Variants in LRIT1 observed in about 807,000 individuals in gnomAD.
LRIT1 encodes the protein leucine-rich repeat, immunoglobulin-like domain and transmembrane domain-containing protein 1.
A neutral mutation model predicts 24.0 loss-of-function variants in LRIT1; 23 were observed. The observed-to-expected ratio is 0.96, with a 90% CI of 0.69 to 1.36. LRIT1 has a LOEUF of 1.36. Ranked by LOEUF, LRIT1 falls within the 40% of genes most tolerant of loss-of-function variation. The pLI, the probability that LRIT1 is intolerant of heterozygous loss-of-function variation, is 0.00. For synonymous variants in LRIT1, 361 were observed against 340.5 expected (o/e 1.06, Z -0.66); for missense variants, 846 against 806.3 (o/e 1.05, Z -0.60).
chr10:84,234,571 T>C (rs1010313490), intron 2 of LRIT1, among the ~76,000 whole-genome samples, 193 bp from the exon 3 acceptor site: 3 of 152,220 alleles, frequency 2.0e-5, no homozygotes, highest in African/African-American at 7.2e-5. Flanking sequence ...GTAGCATTAC[T>C]TTCTTTTCAG....
Position 84,232,203 on chromosome 10 carries a change from C to T in LRIT1, c.1596G>A (p.Val532=), listed in dbSNP as rs1450135703. 6.2e-6 allele frequency: 10 copies of T among 1,614,214 alleles called. No homozygotes were observed. The Admixed American group carries it at 1.7e-4, about 27-fold the overall frequency. The change falls in exon 4 of 4, where the codon GTG becomes GTA. Residue 532 remains valine (V), a synonymous_variant. Coordinates refer to ENST00000372105, the MANE Select transcript of LRIT1 (RefSeq NM_015613.3). ...GGGCAATGACGATGGCCACACTGAT[C>T]ACCACCACATTGATAAGCTGCTGAG... ...ENTQQLINVV[V]ISVAIVIALP...
intron 2 of LRIT1, among the ~76,000 whole-genome samples, chr10:84,236,328 G>A (rs1280312365): frequency 6.6e-6 from 1 of 151,668 alleles, no homozygotes; most frequent in Admixed American, 6.6e-5. Flanking sequence ...TGCCAAGAAT[G>A]TTCTCTGTTG....
chr10:84,234,200 G>C lies in LRIT1; in HGVS notation c.768C>G (p.Leu256=). 1 of 1,614,042 alleles carries C rather than the reference G, an allele frequency of 6.2e-7. No individual in the cohort carries two copies. The change falls in exon 3 of 4, where the codon CTC becomes CTG. Residue 256 remains leucine (L), a synonymous_variant. Transcript: ENST00000372105. ...LELRKCQGPE[L]HPGVASIRSL... ...ACCTGATGCTGGCCACTCCTGGATGGAGCTCTGGGCCCTGGCACTTCCTCA... is the reference window on the plus strand; with the variant it reads ...ACCTGATGCTGGCCACTCCTGGATGCAGCTCTGGGCCCTGGCACTTCCTCA...
rs759787591 is a variant in LRIT1 at position 84,232,737 on chromosome 10, G to C, written c.1062C>G (p.His354Gln). The C allele has an allele frequency of 1.2e-6, 2 of 1,614,088 alleles. No individual in the cohort carries two copies. Among genetic ancestry groups the C allele is most frequent in the South Asian group, 2.2e-5 (2 of 91,078 alleles). Reference protein sequence around the residue: ...IVTEPPTSTEHSGSPGALWAR... With the variant: ...IVTEPPTSTEQSGSPGALWAR... ...CCCATAGTGCTCCTGGGCTCCCACTGTGTTCTGTGGAAGTCGGTGGCTCAG... is the reference window on the plus strand; with the variant it reads ...CCCATAGTGCTCCTGGGCTCCCACTCTGTTCTGTGGAAGTCGGTGGCTCAG... Residue 354 changes from histidine to glutamine, a missense_variant, in exon 4 of 4, where the codon CAC becomes CAG. His to Gln is a conservative substitution (Grantham distance 24, BLOSUM62 0). Transcript: ENST00000372105.
intron 1 of LRIT1, among the ~76,000 whole-genome samples, chr10:84,240,912 T>A (rs1842686079): frequency 6.6e-6 from 1 of 150,918 alleles, no homozygotes; most frequent in Admixed American, 6.6e-5. Flanking sequence ...GGCAAGAGAG[T>A]GCAAGTGGCC....
chr10:84,240,948 T>A (rs1436076106), intron 1 of LRIT1, among the ~76,000 whole-genome samples: 2 of 151,444 alleles, frequency 1.3e-5, no homozygotes, highest in South Asian at 2.1e-4. Context: ...TGGGGAAATA[T>A]AGAAAAGAAG....
chr10:84,232,368 C>A lies in LRIT1; in HGVS notation c.1431G>T (p.Gln477His). 1 of 1,613,912 alleles carries A rather than the reference C, an allele frequency of 6.2e-7. No homozygotes were observed. The highest frequency in any genetic ancestry group is 1.1e-5 in the South Asian group (1 of 91,034). The change falls in exon 4 of 4, where the codon CAG (glutamine) becomes CAT (histidine). Residue 477 changes from glutamine (Q) to histidine (H), a missense_variant. Transcript: ENST00000372105. ...GQHSMRRVIVQPGKTRVTITG... is the reference protein window; with the variant it reads ...GQHSMRRVIVHPGKTRVTITG... ...TGATGGTCACTCTGGTCTTCCCAGG[C>A]TGCACAATCACCCGCCGCATGCTGT...
Position 84,231,955 on chromosome 10 carries a change from C to A in LRIT1, c.1844G>T (p.Gly615Val). The change falls in exon 4 of 4, where the codon GGC becomes GTC. Residue 615 changes from glycine (G) to valine (V), a missense_variant. Transcript: ENST00000372105. Reference sequence around the variant, plus strand: ...GCAGAAGTACTCATTGATTCTCCTGCCCCCTTTGACTCCAAAGGCCTGAAA... The same window carrying A: ...GCAGAAGTACTCATTGATTCTCCTGACCCCTTTGACTCCAAAGGCCTGAAA... ...VDFQAFGVKG[G>V]RRINEYFC 6.2e-7 allele frequency: 1 copy of A among 1,611,036 alleles called. No individual in the cohort carries two copies. Among genetic ancestry groups the A allele is most frequent in the African/African-American group, 1.3e-5 (1 of 74,976 alleles).
chr10:84,232,910 G>A lies in LRIT1; in HGVS notation c.896-7C>T, dbSNP rs1223677960. ...CTGGAGACTTCCTGGTGCACTAGGA[G>A]GAAAACAGGCATGTGTGGGAGAACG... On this transcript the variant is annotated splice_region_variant and splice_polypyrimidine_tract_variant and intron_variant, in intron 3 of 3. Coordinates refer to ENST00000372105, the MANE Select transcript of LRIT1 (RefSeq NM_015613.3). 6.2e-7 allele frequency: 1 copy of A among 1,606,802 alleles called. No individual in the cohort carries two copies. Among genetic ancestry groups the A allele is most frequent in the Non-Finnish European group, 8.5e-7 (1 of 1,178,814 alleles).
At position 84,232,665 on chromosome 10, in the gene LRIT1, C is replaced by T. The variant is rs1183363143; in HGVS notation, c.1134G>A (p.Leu378=). The stretch of plus-strand genomic sequence containing the variant: ...GAATCTGGGGGACATGCCTGGCCAC[C>T]AGCTTGTTGTTGTAAGCAGCAGCTT... ...GGEAAAYNNK[L]VARHVPQIPK... The change falls in exon 4 of 4, where the codon CTG becomes CTA. Residue 378 remains leucine (L), a synonymous_variant. Coordinates refer to ENST00000372105, the MANE Select transcript of LRIT1 (RefSeq NM_015613.3). 1 of 1,613,528 alleles carries T rather than the reference C, an allele frequency of 6.2e-7. No homozygotes were observed. Among genetic ancestry groups the T allele is most frequent in the Non-Finnish European group, 8.5e-7 (1 of 1,179,564 alleles).
chr10:84,241,001 G>T (rs1362584100), intron 1 of LRIT1, among the ~76,000 whole-genome samples: 1 of 152,170 alleles, frequency 6.6e-6, no homozygotes, highest in East Asian at 1.9e-4. Context: ...CAGTAAGGGA[G>T]GAGATTTCCT....
chr10:84,235,088 C>T (rs572990662), intron 2 of LRIT1, among the ~76,000 whole-genome samples: 1 of 152,240 alleles, frequency 6.6e-6, no homozygotes, highest in South Asian at 2.1e-4. Flanking sequence ...TATAGGGTTG[C>T]ATTACTGAAA....
chr10:84,238,125 G>A (rs1486385281), intron 1 of LRIT1, among the ~76,000 whole-genome samples: 1 of 152,128 alleles, frequency 6.6e-6, no homozygotes, highest in Non-Finnish European at 1.5e-5. Flanking sequence ...AGGTGGAGGC[G>A]GGTGGATCAC....
Position 84,232,198 on chromosome 10 carries a change from C to T in LRIT1, c.1601G>A (p.Ser534Asn). 3 of 1,614,220 alleles carry T rather than the reference C, an allele frequency of 1.9e-6. No individual in the cohort carries two copies. Among genetic ancestry groups the T allele is most frequent in the Non-Finnish European group, 1.7e-6 (2 of 1,180,032 alleles). Reference protein sequence around the residue: ...TQQLINVVVISVAIVIALPLT... With the variant: ...TQQLINVVVINVAIVIALPLT... ...AGGCAGGGCAATGACGATGGCCACA[C>T]TGATCACCACCACATTGATAAGCTG... The change falls in exon 4 of 4, where the codon AGT becomes AAT. Residue 534 changes from serine (S) to asparagine (N), a missense_variant. Coordinates refer to ENST00000372105, the MANE Select transcript of LRIT1 (RefSeq NM_015613.3).
rs768132716 is a variant in LRIT1, at chr10:84,241,326, G to T, written c.114C>A (p.Ser38Arg). ...SCSLHIMGDG[S>R]KARTVVCNDP... ...CGCACCCGGTACCATACCTGGCCTT[G>T]CTGCCATCACCCATGATATGGAGGC... Residue 38 changes from serine (S) to arginine (R), a missense_variant, in exon 1 of 4, where the codon AGC becomes AGA. By Grantham distance (110) the Ser-to-Arg change is moderately radical (BLOSUM62 -1). Coordinates refer to ENST00000372105, the MANE Select transcript of LRIT1 (RefSeq NM_015613.3). 7.4e-6 allele frequency: 12 copies of T among 1,613,748 alleles called. No homozygotes were observed. The East Asian group carries it at 2.5e-4, about 33-fold the overall frequency.
chr10:84,234,924 C>T (rs1842635911), intron 2 of LRIT1, among the ~76,000 whole-genome samples: 1 of 152,144 alleles, frequency 6.6e-6, no homozygotes, highest in African/African-American at 2.4e-5. Context: ...GCTATATCCC[C>T]TACTGTCTTT....
chr10:84,237,645 G>A lies in LRIT1; in HGVS notation c.164C>T (p.Ala55Val). 6.2e-7 allele frequency: 1 copy of A among 1,605,194 alleles called. No homozygotes were observed. Among genetic ancestry groups the A allele is most frequent in the African/African-American group, 1.3e-5 (1 of 75,010 alleles). Residue 55 changes from alanine (A) to valine (V), a missense_variant, in exon 2 of 4, where the codon GCG becomes GTG. By Grantham distance (64) the Ala-to-Val change is moderately conservative. Coordinates refer to ENST00000372105, the MANE Select transcript of LRIT1 (RefSeq NM_015613.3). ...TCTGGAGGTGTCCGGGGGGATGGACGCCGGGGGCAGGGTCATGTCGGGGTC... is the reference window on the plus strand; with the variant it reads ...TCTGGAGGTGTCCGGGGGGATGGACACCGGGGGCAGGGTCATGTCGGGGTC... Reference protein sequence around the residue: ...CNDPDMTLPPASIPPDTSRLR... With the variant: ...CNDPDMTLPPVSIPPDTSRLR...
intron 1 of LRIT1, among the ~76,000 whole-genome samples, chr10:84,238,798 C>T (rs1456966692): frequency 1.3e-5 from 2 of 152,200 alleles, no homozygotes; most frequent in Non-Finnish European, 2.9e-5. Context: ...ACCCAAACCA[C>T]GACTTCTTAA....
rs1329664707 is a variant in LRIT1, at chr10:84,237,368, G to A, written c.441C>T (p.Pro147=). Residue 147 remains proline, a synonymous_variant, in exon 2 of 4, where the codon CCC becomes CCT. Coordinates refer to ENST00000372105, the MANE Select transcript of LRIT1 (RefSeq NM_015613.3). ...TCTCCAGGAAGCGCGCGGCCTCAGC[G>A]GGCACAGCCGAGAGGCGGTTGGCCT... ...DLQANRLSAV[P]AEAARFLENL... 4 of 1,549,668 alleles carry A rather than the reference G, an allele frequency of 2.6e-6. 1 individual carries two copies. Among genetic ancestry groups the A allele is most frequent in the South Asian group, 2.4e-5 (2 of 84,060 alleles).
Sources: allele counts gnomAD v4.1 joint callset (sites outside exome capture counted in the v4.1 genomes callset), GRCh38; gene constraint gnomAD v4.1.1; transcripts MANE v1.5; gene names NCBI Gene and HGNC (gene_info 2026-07-23, HGNC 2026-07-21).